The following CDH12 variants were observed in gnomAD, a reference collection of about 807,000 sequenced individuals.
The protein encoded by CDH12 is cadherin-12.
Under a neutral mutation model 74.1 loss-of-function variants are expected in CDH12, and 41 were observed. The observed-to-expected ratio is 0.55, with a 90% CI of 0.43 to 0.72. CDH12 has a LOEUF of 0.72. CDH12 is among the 30% of genes least tolerant of loss of function. The pLI is 0.00. For synonymous variants in CDH12, 399 were observed against 355.0 expected (o/e 1.12, Z -1.39); for missense variants, 945 against 977.2 (o/e 0.97, Z 0.44).
chr5:21,985,682 A>G (rs1486833708), intron 5 of CDH12, among the ~76,000 whole-genome samples: 3 of 152,168 alleles, frequency 2.0e-5, no homozygotes, highest in African/African-American at 7.2e-5. Context: ...AACACAAACT[A>G]CTTTTGCTAG....
At chr5:22,825,270 A>C (rs1736240698) in intron 1 of CDH12, among the ~76,000 whole-genome samples, 1 of 150,992 alleles carries the variant, frequency 6.6e-6, no homozygotes, top group Non-Finnish European at 1.5e-5. Context: ...ATATATACTT[A>C]CACATATATA....
chr5:22,402,718 A>G (rs1203632861), intron 3 of CDH12, among the ~76,000 whole-genome samples: 1 of 152,190 alleles, frequency 6.6e-6, no homozygotes, highest in East Asian at 1.9e-4. Flanking sequence ...AGCAAATTCT[A>G]AAGAGAGGGT....
intron 5 of CDH12, among the ~76,000 whole-genome samples, chr5:22,028,793 C>T (rs547095621): frequency 7.9e-5 from 12 of 152,210 alleles, no homozygotes; most frequent in East Asian, 5.8e-4. Flanking sequence ...AAAAAGAGCC[C>T]GCATCATCAA....
chr5:22,179,804 C>G (rs1749537638), intron 4 of CDH12, among the ~76,000 whole-genome samples: 1 of 152,104 alleles, frequency 6.6e-6, no homozygotes, highest in Admixed American at 6.5e-5. Flanking sequence ...CTATAGAGTT[C>G]TAAAGTTGAG....
chr5:22,509,366 T>C (rs1042966482), intron 1 of CDH12, among the ~76,000 whole-genome samples: 1 of 152,166 alleles, frequency 6.6e-6, no homozygotes, highest in Non-Finnish European at 1.5e-5. Context: ...ATAAAAGTTT[T>C]TAAAGGAAAT....
intron 6 of CDH12, among the ~76,000 whole-genome samples, chr5:21,862,450 A>T (rs1045743122): frequency 6.6e-6 from 1 of 152,114 alleles, no homozygotes; most frequent in Non-Finnish European, 1.5e-5. Flanking sequence ...AAAAGGTAGG[A>T]AGTTGAGAGT....
intron 1 of CDH12, among the ~76,000 whole-genome samples, chr5:22,619,618 T>C (rs1389317765): frequency 6.6e-6 from 1 of 152,012 alleles, no homozygotes; most frequent in East Asian, 1.9e-4. Context: ...AATATCAAAA[T>C]GGTAACCTAT....
At chr5:22,501,316 A>C (rs1747323091) in intron 2 of CDH12, among the ~76,000 whole-genome samples, 1 of 152,168 alleles carries the variant, frequency 6.6e-6, no homozygotes, top group Non-Finnish European at 1.5e-5. Flanking sequence ...AATTACATAA[A>C]GGATAATTCA....
chr5:22,410,134 G>A (rs769875336), intron 2 of CDH12, among the ~76,000 whole-genome samples: 2 of 151,958 alleles, frequency 1.3e-5, no homozygotes, highest in African/African-American at 4.8e-5. Flanking sequence ...CAAAATGAAA[G>A]CCACAGAAGC....
At chr5:22,522,557 T>C (rs1227061459) in intron 1 of CDH12, among the ~76,000 whole-genome samples, 1 of 152,146 alleles carries the variant, frequency 6.6e-6, no homozygotes, top group East Asian at 1.9e-4. Context: ...CATACCTCCA[T>C]ACCCTCCTTA....
intron 5 of CDH12, among the ~76,000 whole-genome samples, chr5:22,032,726 T>C (rs1387737784): frequency 6.8e-6 from 1 of 147,132 alleles, no homozygotes; most frequent in Non-Finnish European, 1.5e-5. Flanking sequence ...AAAATGTATA[T>C]ACATATTTTT....
At chr5:22,163,392 C>T (rs933993962) in intron 4 of CDH12, among the ~76,000 whole-genome samples, 4 of 152,132 alleles carry the variant, frequency 2.6e-5, no homozygotes, top group African/African-American at 4.8e-5. Flanking sequence ...TCAATATTTA[C>T]CACTTGGATG....
Position 22,453,483 on chromosome 5 carries a change from C to A in CDH12, c.-427-48132G>T, listed in dbSNP as rs1288998143. Among the ~76,000 whole-genome samples the A allele has an allele frequency of 2.0e-5, 3 of 151,956 alleles. No homozygotes were observed. In the East Asian group the frequency reaches 5.8e-4, roughly 29 times the overall value. ...ATTATATTAAGTGAAATAAGACAAG[C>A]ACAGAATGACAAATACCACATGACC... On this transcript the variant is annotated intron_variant, in intron 2 of 14. Transcript: ENST00000382254.
intron 1 of CDH12, among the ~76,000 whole-genome samples, chr5:22,570,049 T>TGA (rs1351571777): frequency 2.6e-5 from 4 of 151,736 alleles, no homozygotes; most frequent in African/African-American, 9.7e-5. Context: ...ATTTATTTAT[T>TGA]TATTTATTTA....
At chr5:22,302,236 TAC>T (rs956064270) in intron 3 of CDH12, among the ~76,000 whole-genome samples, 12 of 152,124 alleles carry the variant, frequency 7.9e-5, no homozygotes, top group African/African-American at 2.4e-4. Context: ...CCGCTCTACA[TAC>T]ACACACACAG....
At chr5:22,846,270 C>T (rs970290428) in intron 1 of CDH12, among the ~76,000 whole-genome samples, 2 of 151,962 alleles carry the variant, frequency 1.3e-5, no homozygotes, top group African/African-American at 4.8e-5. Context: ...TGTTAGATTC[C>T]TAGATAGAAA....
At chr5:22,813,774 G>A (rs750540323) in intron 1 of CDH12, among the ~76,000 whole-genome samples, 2 of 152,078 alleles carry the variant, frequency 1.3e-5, no homozygotes, top group Non-Finnish European at 2.9e-5. Flanking sequence ...ACAAGGAAAT[G>A]AATGATGCTG....
intron 1 of CDH12, among the ~76,000 whole-genome samples, chr5:22,707,906 T>C (rs1743099770): frequency 6.6e-6 from 1 of 152,156 alleles, no homozygotes; most frequent in African/African-American, 2.4e-5. Context: ...ACATATGCTA[T>C]TTCTGAGAAA....
At chr5:21,999,117 TC>T (rs1736458420) in intron 5 of CDH12, among the ~76,000 whole-genome samples, 1 of 152,130 alleles carries the variant, frequency 6.6e-6, no homozygotes, top group Non-Finnish European at 1.5e-5. Flanking sequence ...TTTCCTTTTT[TC>T]TTTATTTATT....
Sources: gnomAD v4.1 joint callset for allele counts (sites outside exome capture counted in the v4.1 genomes callset) on GRCh38, gnomAD v4.1.1 for gene constraint, MANE v1.5 for transcripts, NCBI Gene and HGNC (gene_info 2026-07-23, HGNC 2026-07-21) for gene names.